CHRM3: variants seen among roughly 807,000 people sequenced by gnomAD.
CHRM3 encodes muscarinic acetylcholine receptor M3.
CHRM3 carries 11 observed loss-of-function variants against 41.8 expected under a neutral mutation model. The ratio of observed to expected loss-of-function variants is 0.26; its 90% CI spans 0.17 to 0.44. CHRM3 has a LOEUF of 0.44. Ranked by LOEUF, CHRM3 falls within the 20% of genes least tolerant of loss-of-function variation. The pLI is 1.00. For missense variants in CHRM3, 571 were observed against 745.4 expected, an observed-to-expected ratio of 0.77 and a Z score of 2.72; for synonymous variants, 297 against 301.4, an observed-to-expected ratio of 0.99 and a Z score of 0.15.
chr1:239,543,126 G>A (rs553240357), intron 2 of CHRM3, among the ~76,000 whole-genome samples: 1 of 152,174 alleles, frequency 6.6e-6, no homozygotes. Context: ...CTGAAGAATG[G>A]CACCTTTAGG....
chr1:239,544,324 G>C (rs529436498), intron 2 of CHRM3, among the ~76,000 whole-genome samples: 1 of 152,186 alleles, frequency 6.6e-6, no homozygotes, highest in African/African-American at 2.4e-5. Flanking sequence ...TGCGTAGATG[G>C]AAGTCCCGTT....
intron 1 of CHRM3, among the ~76,000 whole-genome samples, chr1:239,427,914 A>G (rs1399551404): frequency 4.6e-5 from 7 of 152,216 alleles, no homozygotes; most frequent in South Asian, 4.1e-4. Context: ...TTCCCAGCAA[A>G]GTAGCCATTT....
chr1:239,458,756 A>G (rs1665144653), intron 1 of CHRM3, among the ~76,000 whole-genome samples: 2 of 152,160 alleles, frequency 1.3e-5, no homozygotes. Flanking sequence ...TTTTCACTGC[A>G]TAAGATCCTC....
chr1:239,534,550 GT>G (rs1658008895), intron 2 of CHRM3, among the ~76,000 whole-genome samples: 3 of 152,042 alleles, frequency 2.0e-5, no homozygotes, highest in Non-Finnish European at 4.4e-5. Flanking sequence ...CCTTATTTCT[GT>G]TTTCAAAAAT....
chr1:239,651,989 T>C (rs1251877145), intron 4 of CHRM3, among the ~76,000 whole-genome samples: 1 of 69,350 alleles, frequency 1.4e-5, no homozygotes, highest in African/African-American at 5.5e-5. Context: ...GTTTTTGTTT[T>C]TTTTTTTTTT....
chr1:239,484,017 A>G (rs779759006), intron 1 of CHRM3, among the ~76,000 whole-genome samples: 1 of 152,226 alleles, frequency 6.6e-6, no homozygotes, highest in Non-Finnish European at 1.5e-5. Flanking sequence ...GTAAGTGTGT[A>G]GTCTTTTCAG....
At chr1:239,688,793 A>G (rs921085500) in intron 5 of CHRM3, among the ~76,000 whole-genome samples, 1 of 139,112 alleles carries the variant, frequency 7.2e-6, no homozygotes, top group Admixed American at 7.7e-5. Context: ...ATAATATACA[A>G]TATTATATAT....
chr1:239,763,669 A>G (rs1183469170), intron 5 of CHRM3, among the ~76,000 whole-genome samples: 1 of 152,162 alleles, frequency 6.6e-6, no homozygotes, highest in African/African-American at 2.4e-5. Flanking sequence ...AAGTGCTGCC[A>G]TGAACTCCCA....
At chr1:239,405,974 C>T (rs998534145) in intron 1 of CHRM3, among the ~76,000 whole-genome samples, 1 of 152,154 alleles carries the variant, frequency 6.6e-6, no homozygotes, top group African/African-American at 2.4e-5. Context: ...TCACTGCAAC[C>T]TCCGCCTCCC....
intron 6 of CHRM3, among the ~76,000 whole-genome samples, chr1:239,865,348 A>G (rs1241051810): frequency 1.3e-5 from 2 of 152,256 alleles, no homozygotes; most frequent in African/African-American, 2.4e-5. Context: ...TGGGGCATCC[A>G]GGGTATAAGG....
chr1:239,445,717 A>G (rs1444845713), intron 1 of CHRM3, among the ~76,000 whole-genome samples: 1 of 152,194 alleles, frequency 6.6e-6, no homozygotes, highest in Admixed American at 6.5e-5. Context: ...AGTGCTTAAT[A>G]AGAAGTGAAA....
At chr1:239,804,222 A>G (rs1670443015) in intron 5 of CHRM3, among the ~76,000 whole-genome samples, 1 of 152,222 alleles carries the variant, frequency 6.6e-6, no homozygotes, top group Non-Finnish European at 1.5e-5. Context: ...AGGTGGGAGC[A>G]TATTATGAAT....
intron 5 of CHRM3, among the ~76,000 whole-genome samples, chr1:239,783,388 G>T (rs539614403): frequency 6.6e-6 from 1 of 152,048 alleles, no homozygotes; most frequent in Non-Finnish European, 1.5e-5. Flanking sequence ...TATCTATGTT[G>T]AAAATAGAAT....
chr1:239,408,144 G>A (rs1456159327), intron 1 of CHRM3: 4 of 151,982 alleles, frequency 2.6e-5, no homozygotes. Flanking sequence ...GAGTTCTCAC[G>A]AGATCTGATG....
In CHRM3 at chr1:239,908,117, C is replaced by G; in HGVS notation, c.666C>G (p.Phe222Leu). ...GAACTGTGCCTCCGGGAGAGTGCTT[C>G]ATTCAGTTCCTCAGTGAGCCCACCA... Reference protein sequence around the residue: ...GKRTVPPGECFIQFLSEPTIT... With the variant: ...GKRTVPPGECLIQFLSEPTIT... The change falls in exon 7 of 7, where the codon TTC becomes TTG. Residue 222 changes from phenylalanine to leucine, a missense_variant. Phe to Leu is a conservative substitution (Grantham distance 22, BLOSUM62 0). Coordinates refer to ENST00000676153, the MANE Select transcript of CHRM3 (RefSeq NM_001375978.1). The surrounding 1 kb of genome is among the most constrained non-coding windows in gnomAD (Gnocchi z 7.2). 1 of 1,614,198 alleles carries G rather than the reference C, an allele frequency of 6.2e-7. No individual in the cohort carries two copies.
At chr1:239,426,158 C>T (rs1450102355) in intron 1 of CHRM3, among the ~76,000 whole-genome samples, 13 of 108,238 alleles carry the variant, frequency 1.2e-4, no homozygotes, top group Non-Finnish European at 5.6e-5. Flanking sequence ...CCCCCCTCCC[C>T]CCACCCCACA....
chr1:239,398,567 C>G (rs910092507), intron 1 of CHRM3, among the ~76,000 whole-genome samples: 1 of 152,110 alleles, frequency 6.6e-6, no homozygotes, highest in Non-Finnish European at 1.5e-5. Context: ...CATCTTCTAT[C>G]AAACCCCTGA....
At chr1:239,525,115 C>A (rs972188130) in intron 2 of CHRM3, among the ~76,000 whole-genome samples, 1 of 152,270 alleles carries the variant, frequency 6.6e-6, no homozygotes, top group Admixed American at 6.5e-5. Flanking sequence ...GTAATCTCAG[C>A]TCTTTGAGAG....
chr1:239,516,855 A>G (rs2148235963), intron 2 of CHRM3, among the ~76,000 whole-genome samples: 1 of 152,254 alleles, frequency 6.6e-6, no homozygotes, highest in Non-Finnish European at 1.5e-5. Context: ...TTCTCATAGA[A>G]GCACAAACCC....
Sources: gnomAD v4.1 joint callset for allele counts (sites outside exome capture counted in the v4.1 genomes callset) on GRCh38, gnomAD v4.1.1 for gene constraint, Gnocchi (gnomAD v3.1) non-coding constraint, MANE v1.5 for transcripts, NCBI Gene and HGNC (gene_info 2026-07-23, HGNC 2026-07-21) for gene names.